ST6GALNAC3: variants seen among roughly 807,000 people sequenced by gnomAD.
ST6GALNAC3 encodes alpha-N-acetylgalactosaminide alpha-2,6-sialyltransferase 3.
In ST6GALNAC3, 25 loss-of-function variants were observed where a neutral mutation model predicts 32.7. The ratio of observed to expected loss-of-function variants is 0.76; its 90% confidence interval spans 0.56 to 1.07. The LOEUF (loss-of-function observed/expected upper bound fraction) is 1.07. ST6GALNAC3 is among the 50% of genes least tolerant of loss of function. The pLI is 0.00. For missense variants in ST6GALNAC3, 355 were observed against 382.4 expected (o/e 0.93, Z 0.60); for synonymous variants, 129 against 133.1 (o/e 0.97, Z 0.21).
chr1:76,429,762 G>T (rs1349814579), intron 3 of ST6GALNAC3, among the ~76,000 whole-genome samples: 1 of 152,094 alleles, frequency 6.6e-6, no homozygotes, highest in Non-Finnish European at 1.5e-5. Flanking sequence ...ATCAGTCTTG[G>T]ATCATCAGGA....
intron 3 of ST6GALNAC3, among the ~76,000 whole-genome samples, chr1:76,435,024 C>T (rs1240719213): frequency 6.6e-6 from 1 of 151,980 alleles, no homozygotes; most frequent in Non-Finnish European, 1.5e-5. Context: ...CTCTTGACCT[C>T]AGGTGATCCA....
chr1:76,152,955 T>G (rs987335097), intron 1 of ST6GALNAC3, among the ~76,000 whole-genome samples: 1 of 152,234 alleles, frequency 6.6e-6, no homozygotes, highest in Non-Finnish European at 1.5e-5. Flanking sequence ...TTTAGGGATA[T>G]TCCTATTGGA....
chr1:76,539,927 C>A (rs937214050), intron 3 of ST6GALNAC3, among the ~76,000 whole-genome samples: 1 of 152,162 alleles, frequency 6.6e-6, no homozygotes, highest in African/African-American at 2.4e-5. Context: ...ATTAGTTCAA[C>A]CACTGTGGAA....
intron 1 of ST6GALNAC3, among the ~76,000 whole-genome samples, chr1:76,130,469 C>T (rs529354848): frequency 1.3e-5 from 2 of 152,328 alleles, no homozygotes; most frequent in Admixed American, 6.5e-5. Flanking sequence ...GCCATGCCTT[C>T]AGCTAGAACC....
At chr1:76,253,799 T>A (rs1657761715) in intron 1 of ST6GALNAC3, among the ~76,000 whole-genome samples, 1 of 152,166 alleles carries the variant, frequency 6.6e-6, no homozygotes, top group Admixed American at 6.6e-5. Context: ...CTGACTTTCT[T>A]AGTTTCCAAT....
At chr1:76,280,021 T>C (rs539977558) in intron 1 of ST6GALNAC3, among the ~76,000 whole-genome samples, 170 of 152,170 alleles carry the variant, frequency 1.1e-3, no homozygotes, top group African/African-American at 3.7e-3. Context: ...CCTTTCTCTT[T>C]TGCCATTGCC....
At chr1:76,456,957 T>C (rs1253892530) in intron 3 of ST6GALNAC3, among the ~76,000 whole-genome samples, 1 of 152,102 alleles carries the variant, frequency 6.6e-6, no homozygotes, top group Non-Finnish European at 1.5e-5. Context: ...GAAAACCCCA[T>C]TGTCTCAGCC....
chr1:76,144,186 T>C (rs368631302), intron 1 of ST6GALNAC3, among the ~76,000 whole-genome samples: 105 of 152,074 alleles, frequency 6.9e-4, no homozygotes, highest in African/African-American at 2.2e-3. Context: ...TGGCACAGAA[T>C]GAGAAGATGG....
intron 3 of ST6GALNAC3, among the ~76,000 whole-genome samples, chr1:76,531,860 C>T (rs1663276864): frequency 6.6e-6 from 1 of 152,100 alleles, no homozygotes; most frequent in African/African-American, 2.4e-5. Flanking sequence ...TGCCCAGCAA[C>T]ATTGGAGTTT....
At chr1:76,089,091 C>T (rs150451149) in intron 1 of ST6GALNAC3, among the ~76,000 whole-genome samples, 5,445 of 152,232 alleles carry the variant, frequency 0.036, 100 homozygotes, top group Non-Finnish European at 0.047. Context: ...TGCAGTGGCA[C>T]AATCTTGGTT....
intron 3 of ST6GALNAC3, among the ~76,000 whole-genome samples, chr1:76,601,941 G>A (rs1386515864): frequency 6.6e-6 from 1 of 152,170 alleles, no homozygotes; most frequent in Admixed American, 6.5e-5. Flanking sequence ...GGCGAGGAAG[G>A]TATCCTTCTA....
At chr1:76,211,465 T>C (rs1655154157) in intron 1 of ST6GALNAC3, among the ~76,000 whole-genome samples, 2 of 152,218 alleles carry the variant, frequency 1.3e-5, no homozygotes, top group South Asian at 4.1e-4. Flanking sequence ...TAAAACATGC[T>C]TCTATAAAGA....
intron 3 of ST6GALNAC3, among the ~76,000 whole-genome samples, chr1:76,546,825 G>T (rs1339443025): frequency 6.6e-6 from 1 of 152,212 alleles, no homozygotes; most frequent in Non-Finnish European, 1.5e-5. Flanking sequence ...GACAGTTGTA[G>T]CTGAGCAGCA....
intron 3 of ST6GALNAC3, among the ~76,000 whole-genome samples, chr1:76,555,785 A>C (rs908123568): frequency 4.6e-5 from 7 of 152,246 alleles, no homozygotes; most frequent in Middle Eastern, 3.4e-3. Context: ...TAGAATTCCC[A>C]GGGTTCTATA....
chr1:76,406,664 A>C (rs1653855837), intron 2 of ST6GALNAC3, among the ~76,000 whole-genome samples: 1 of 152,102 alleles, frequency 6.6e-6, no homozygotes, highest in Non-Finnish European at 1.5e-5. Context: ...ATTTAAATAT[A>C]ATAGTGAGCA....
chr1:76,551,837 A>C (rs1221434281), intron 3 of ST6GALNAC3, among the ~76,000 whole-genome samples: 1 of 151,744 alleles, frequency 6.6e-6, no homozygotes, highest in Admixed American at 6.6e-5. Flanking sequence ...CCCAACCCCC[A>C]CCACACACAC....
intron 1 of ST6GALNAC3, among the ~76,000 whole-genome samples, chr1:76,144,286 G>A (rs1011977165): frequency 6.6e-6 from 1 of 152,160 alleles, no homozygotes; most frequent in East Asian, 1.9e-4. Flanking sequence ...GAAAGAGGAT[G>A]GAGGAAAGGG....
At chr1:76,160,363 G>C (rs760547674) in intron 1 of ST6GALNAC3, among the ~76,000 whole-genome samples, 40 of 152,282 alleles carry the variant, frequency 2.6e-4, no homozygotes, top group Non-Finnish European at 5.7e-4. Context: ...GTGAAGGCTG[G>C]TTTGGGCATG....
intron 1 of ST6GALNAC3, among the ~76,000 whole-genome samples, chr1:76,218,527 C>T (rs1655598938): frequency 6.6e-6 from 1 of 152,204 alleles, no homozygotes; most frequent in African/African-American, 2.4e-5. Flanking sequence ...AACAATGCAA[C>T]ATGTGCATAT....
Sources: allele counts gnomAD v4.1 joint callset (sites outside exome capture counted in the v4.1 genomes callset), GRCh38; gene constraint gnomAD v4.1.1; transcripts MANE v1.5; gene names NCBI Gene and HGNC (gene_info 2026-07-23, HGNC 2026-07-21).